The following FHAD1 variants were observed in gnomAD, a reference collection of about 807,000 sequenced individuals.
FHAD1 encodes the protein forkhead-associated domain-containing protein 1.
In FHAD1, 146 loss-of-function variants were observed where a neutral mutation model predicts 191.3. The ratio of observed to expected loss-of-function variants is 0.76; its 90% CI spans 0.67 to 0.88. The LOEUF (loss-of-function observed/expected upper bound fraction) is 0.88, where lower values mean the gene tolerates loss of function less well. FHAD1 is among the 40% of genes least tolerant of loss of function. FHAD1 has a pLI of 0.00. For synonymous variants in FHAD1, 616 were observed against 672.3 expected, an observed-to-expected ratio of 0.92 and a Z score of 1.29; for missense variants, 1,635 against 1,785.8, an observed-to-expected ratio of 0.92 and a Z score of 1.52.
chr1:15,279,999 C>G (rs1206325503), intron 3 of FHAD1, among the ~76,000 whole-genome samples: 2 of 152,190 alleles, frequency 1.3e-5, no homozygotes, highest in African/African-American at 4.8e-5. Flanking sequence ...ATAATCCATT[C>G]TCTATCAGGG....
At chr1:15,271,889 A>T (rs1656182220) in intron 2 of FHAD1, among the ~76,000 whole-genome samples, 1 of 152,114 alleles carries the variant, frequency 6.6e-6, no homozygotes, top group African/African-American at 2.4e-5. Context: ...CACCATAAAT[A>T]CCCATGTGGA....
upstream of FHAD1, among the ~76,000 whole-genome samples, chr1:15,244,797 G>T (rs562991584): frequency 1.7e-4 from 25 of 149,132 alleles, 1 homozygote; most frequent in South Asian, 5.1e-3. The surrounding 1 kb of genome is among the most constrained non-coding windows in gnomAD (Gnocchi z 5.1). Context: ...AATAAATAAA[G>T]AAATAGTATG....
chr1:15,328,848 G>T (rs1228684659), intron 13 of FHAD1: 2 of 163,354 alleles, frequency 1.2e-5, no homozygotes, highest in South Asian at 1.9e-4. Context: ...GGAGGACTTG[G>T]CCACAGCCCT....
Position 15,329,654 on chromosome 1 carries a change from T to G in FHAD1, c.1906+113T>G. 1 of 950,208 alleles carries G rather than the reference T, an allele frequency of 1.1e-6. No individual in the cohort carries two copies. The highest frequency in any genetic ancestry group is 1.6e-6 in the Non-Finnish European group (1 of 634,598). 58.9% of individuals were successfully genotyped at this position (950,208 alleles called of 1,614,324 possible). A position where few individuals can be genotyped will look rare whatever the true frequency, so the allele number is the denominator to read the frequency against. On this transcript the variant is annotated intron_variant, in intron 14 of 33. Transcript: ENST00000688493. This position sits in a 1 kb window ranked among gnomAD's most constrained non-coding sequence, Gnocchi z 5.0. ...CTTCCTGGGTATCTGGCCAAGTCTATTCCCTTCTCCAGAACCCCCTGCTTC... is the reference window on the plus strand; with the variant it reads ...CTTCCTGGGTATCTGGCCAAGTCTAGTCCCTTCTCCAGAACCCCCTGCTTC...
intron 3 of FHAD1, among the ~76,000 whole-genome samples, chr1:15,287,768 G>A (rs1663016962): frequency 6.6e-6 from 1 of 152,152 alleles, no homozygotes; most frequent in African/African-American, 2.4e-5. Context: ...GGAATGCATA[G>A]GATCCCTGAG....
intron 32 of FHAD1, among the ~76,000 whole-genome samples, chr1:15,389,447 C>CAAAAAAAA (rs570569622): frequency 0.01 from 546 of 54,100 alleles, 28 homozygotes; most frequent in Middle Eastern, 0.026. Context: ...GAACCTGTCT[C>CAAAAAAAA]AAAAAAAAAA....
intron 14 of FHAD1, among the ~76,000 whole-genome samples, chr1:15,336,139 C>G (rs1279919575): frequency 6.6e-6 from 1 of 152,220 alleles, no homozygotes; most frequent in African/African-American, 2.4e-5. Flanking sequence ...ATTGACAGAT[C>G]TAGGTCTGAA....
chr1:15,360,378 G>T lies in FHAD1; in HGVS notation c.2737-100G>T, dbSNP rs533803438. On this transcript the variant is annotated intron_variant, in intron 21 of 33. Coordinates refer to ENST00000688493, the MANE Select transcript of FHAD1 (RefSeq NM_001391957.1). ...ACTGCATGTGCTAAGGCCCTGGGGT[G>T]GGGCCCAGTTTAGCACCTATGTGTG... is the stretch of plus-strand genomic sequence containing the variant. The T allele has an allele frequency of 1.1e-5, 11 of 1,025,292 alleles. No homozygotes were observed. In the African/African-American group the frequency reaches 1.6e-4, roughly 15 times the overall value. 63.5% of individuals were successfully genotyped at this position (1,025,292 alleles called of 1,614,324 possible).
intron 4 of FHAD1, among the ~76,000 whole-genome samples, chr1:15,294,580 T>C (rs113525765): frequency 0.035 from 5,289 of 152,130 alleles, 121 homozygotes; most frequent in Non-Finnish European, 0.048. Context: ...TTTAGTAGAG[T>C]TGGAGTTTCG....
downstream of FHAD1, chr1:15,399,809 G>C (rs1707001468): frequency 6.6e-6 from 1 of 152,162 alleles, no homozygotes; most frequent in South Asian, 2.1e-4. Context: ...GCAACAAGGA[G>C]AGATAAAAAA....
At position 15,362,720 on chromosome 1, in the gene FHAD1, A is replaced by G. The variant is rs1695200978; in HGVS notation, c.3041A>G (p.His1014Arg). The change falls in exon 23 of 34, where the codon CAT (histidine) becomes CGT (arginine). Residue 1014 changes from histidine to arginine, a missense_variant. Physicochemically the swap from His to Arg is conservative, Grantham distance 29. Transcript: ENST00000688493. ...AGTGCCAAAGACATGGCGTACGAAC[A>G]TCTGATGTGAGTACCCGTGGGTGTG... ...ESSAKDMAYE[H>R]LIDDLLAAQK... 10 of 1,551,502 alleles carry G rather than the reference A, an allele frequency of 6.4e-6. No homozygotes were observed. Among genetic ancestry groups the G allele is most frequent in the Non-Finnish European group, 8.7e-6 (10 of 1,146,810 alleles).
upstream of FHAD1, among the ~76,000 whole-genome samples, chr1:15,242,671 G>A (rs563433494): frequency 2.0e-5 from 3 of 152,134 alleles, no homozygotes; most frequent in Non-Finnish European, 4.4e-5. Flanking sequence ...AGGTCTCAGA[G>A]CAGCCGGCCA....
chr1:15,351,209 G>T (rs2102461571), intron 19 of FHAD1, among the ~76,000 whole-genome samples: 1 of 152,292 alleles, frequency 6.6e-6, no homozygotes, highest in Admixed American at 6.5e-5. Flanking sequence ...GCTGGGCCTG[G>T]TGGTGCACAC....
chr1:15,262,036 C>G (rs1651327392), intron 2 of FHAD1, among the ~76,000 whole-genome samples: 1 of 152,154 alleles, frequency 6.6e-6, no homozygotes, highest in African/African-American at 2.4e-5. Flanking sequence ...CACACACACA[C>G]ACCAGTTAAT....
At chr1:15,309,251 C>T (rs760207780) in intron 7 of FHAD1, among the ~76,000 whole-genome samples, 4 of 152,210 alleles carry the variant, frequency 2.6e-5, no homozygotes, top group Non-Finnish European at 5.9e-5. Flanking sequence ...TCATGGCCCA[C>T]CCTTGCCAGG....
In FHAD1 at chr1:15,308,744, C is replaced by G; in HGVS notation, c.1039+8C>G. ...ACAACGCTATCACATCAGGTGAGCC[C>G]TTGGAGTCGGGCCTGGGAGCTGCCA... On this transcript the variant is annotated splice_region_variant and intron_variant, in intron 7 of 33. Transcript: ENST00000688493. 1 of 1,551,610 alleles carries G rather than the reference C, an allele frequency of 6.4e-7. No individual in the cohort carries two copies. Among genetic ancestry groups the G allele is most frequent in the South Asian group, 1.2e-5 (1 of 84,060 alleles).
At position 15,308,742 on chromosome 1, in the gene FHAD1, C is replaced by G. The variant is rs1168219628; in HGVS notation, c.1039+6C>G. The G allele has an allele frequency of 6.4e-7, 1 of 1,551,580 alleles. No individual in the cohort carries two copies. ...AGACAACGCTATCACATCAGGTGAG[C>G]CCTTGGAGTCGGGCCTGGGAGCTGC... On this transcript the variant is annotated splice_donor_region_variant and intron_variant, in intron 7 of 33. Coordinates refer to ENST00000688493, the MANE Select transcript of FHAD1 (RefSeq NM_001391957.1).
chr1:15,237,913 C>T (rs1644953121), intron 1 of FHAD1, among the ~76,000 whole-genome samples: 2 of 152,008 alleles, frequency 1.3e-5, no homozygotes, highest in Admixed American at 6.6e-5. Context: ...AGATCAGCAG[C>T]GAGCGATGGG....
downstream of FHAD1, among the ~76,000 whole-genome samples, chr1:15,398,449 C>T (rs1706652004): frequency 6.6e-6 from 1 of 152,152 alleles, no homozygotes; most frequent in South Asian, 2.1e-4. Context: ...CCCCATTTGA[C>T]AGATGAGGAA....
Sources: allele counts gnomAD v4.1 joint callset (sites outside exome capture counted in the v4.1 genomes callset), GRCh38; gene constraint gnomAD v4.1.1; non-coding constraint Gnocchi (gnomAD v3.1); transcripts MANE v1.5; gene names NCBI Gene and HGNC (gene_info 2026-07-23, HGNC 2026-07-21).